ATRNL1: variants seen among roughly 807,000 people sequenced by gnomAD.
ATRNL1 encodes attractin like 1, also known as attractin-like protein 1.
ATRNL1 carries 95 observed loss-of-function variants against 182.7 expected under a neutral mutation model. The observed-to-expected ratio is 0.52, with a 90% CI of 0.44 to 0.62. The LOEUF (loss-of-function observed/expected upper bound fraction) is 0.62, where lower values mean the gene tolerates loss of function less well. Among genes scored for constraint, ATRNL1 ranks in the 20% least tolerant of loss-of-function variants. The probability of loss-of-function intolerance (pLI) is 0.00; values close to 1 mark genes in which losing one functional copy is unlikely to be tolerated. For synonymous variants in ATRNL1, 576 were observed against 568.3 expected, an observed-to-expected ratio of 1.01 and a Z score of -0.19; for missense variants, 1,471 against 1,679.5, an observed-to-expected ratio of 0.88 and a Z score of 2.17.
intron 14 of ATRNL1, among the ~76,000 whole-genome samples, chr10:115,285,939 A>G (rs544369752): frequency 2.0e-5 from 3 of 152,168 alleles, no homozygotes; most frequent in South Asian, 2.1e-4. Flanking sequence ...CCATATGCCA[A>G]TATACCAGAT....
At chr10:115,521,138 T>TTTG (rs68061119) in intron 25 of ATRNL1, among the ~76,000 whole-genome samples, 11,277 of 148,922 alleles carry the variant, frequency 0.076, 723 homozygotes, top group African/African-American at 0.17. Context: ...TAAAACAACT[T>TTTG]TTGTTGTTGT....
In ATRNL1 at chr10:115,928,211, T is replaced by C. The variant is rs116224751; in HGVS notation, c.4019-16447T>C. ...GTGAGAAAGAGTAAAGAAAACTGAG[T>C]TTGGTTTCTTTATGATTAATGCATT... is the stretch of plus-strand genomic sequence containing the variant. On this transcript the variant is annotated intron_variant, in intron 28 of 28. Coordinates refer to ENST00000355044, the MANE Select transcript of ATRNL1 (RefSeq NM_207303.4). 7.5e-3 allele frequency among the ~76,000 whole-genome samples: 1,148 copies of C among 152,060 alleles called. 13 individuals carry two copies. Among genetic ancestry groups the C allele is most frequent in the African/African-American group, 0.026 (1,089 of 41,528 alleles).
chr10:115,895,315 C>G (rs577614145), intron 28 of ATRNL1, among the ~76,000 whole-genome samples: 1 of 152,272 alleles, frequency 6.6e-6, no homozygotes, highest in South Asian at 2.1e-4. Context: ...AGCTGAATAA[C>G]CTGGAGGTAT....
At chr10:115,098,622 C>T (rs1312977289) in intron 1 of ATRNL1, among the ~76,000 whole-genome samples, 10 of 151,732 alleles carry the variant, frequency 6.6e-5, no homozygotes, top group Admixed American at 6.6e-5. Context: ...CCACTACGCC[C>T]GGCTAATTTT....
chr10:115,871,391 T>C (rs1951576178), intron 28 of ATRNL1, among the ~76,000 whole-genome samples: 1 of 150,204 alleles, frequency 6.7e-6, no homozygotes, highest in Non-Finnish European at 1.5e-5. Flanking sequence ...TCTGGATAAA[T>C]CTCACTGATA....
At chr10:115,171,314 ATTTC>A (rs1847283000) in intron 8 of ATRNL1, 22 bp downstream of exon 8, 3 of 1,517,528 alleles carry the variant, frequency 2.0e-6, no homozygotes, top group Non-Finnish European at 1.8e-6. Context: ...AAAAATTGTA[ATTTC>A]TTTATTGATT....
chr10:115,631,556 A>T (rs544640596), intron 26 of ATRNL1, among the ~76,000 whole-genome samples: 1 of 152,090 alleles, frequency 6.6e-6, no homozygotes, highest in Admixed American at 6.6e-5. Flanking sequence ...AAGGGAATAG[A>T]TGGGAGAGAC....
intron 8 of ATRNL1, among the ~76,000 whole-genome samples, chr10:115,185,436 G>A (rs1018736836): frequency 2.0e-5 from 3 of 151,834 alleles, no homozygotes; most frequent in Non-Finnish European, 4.4e-5. Context: ...ACCTTCTAGG[G>A]GATCCCATTG....
chr10:115,451,161 A>C (rs1368264268), intron 21 of ATRNL1, among the ~76,000 whole-genome samples: 2 of 152,214 alleles, frequency 1.3e-5, no homozygotes, highest in Non-Finnish European at 2.9e-5. Flanking sequence ...CAAAACTATA[A>C]AAATCCTGGA....
chr10:115,434,284 A>G (rs1351765236), intron 21 of ATRNL1, among the ~76,000 whole-genome samples: 1 of 152,212 alleles, frequency 6.6e-6, no homozygotes, highest in Non-Finnish European at 1.5e-5. Flanking sequence ...ACTTTAAAAT[A>G]ATGATCATAC....
chr10:115,259,242 C>T (rs565998543), intron 10 of ATRNL1, among the ~76,000 whole-genome samples: 5 of 152,244 alleles, frequency 3.3e-5, no homozygotes, highest in African/African-American at 9.6e-5. Context: ...AGTCTAGAGA[C>T]GGTAGGCCTT....
chr10:115,798,213 A>G (rs1029343557), intron 27 of ATRNL1, among the ~76,000 whole-genome samples: 5 of 152,094 alleles, frequency 3.3e-5, no homozygotes, highest in East Asian at 3.9e-4. Context: ...CACCGCGCCC[A>G]GCCTCTCAGA....
At chr10:115,131,008 T>C (rs1845208437) in intron 5 of ATRNL1, among the ~76,000 whole-genome samples, 1 of 152,124 alleles carries the variant, frequency 6.6e-6, no homozygotes, top group Admixed American at 6.6e-5. Flanking sequence ...AGTCTTGTAA[T>C]ATAGATCTGA....
At chr10:115,874,743 G>A (rs527812859) in intron 28 of ATRNL1, among the ~76,000 whole-genome samples, 1 of 152,192 alleles carries the variant, frequency 6.6e-6, no homozygotes, top group Non-Finnish European at 1.5e-5. Context: ...CACAGTCTAA[G>A]TGGAGAGTCA....
intron 24 of ATRNL1, among the ~76,000 whole-genome samples, chr10:115,486,404 A>T (rs1289270956): frequency 6.6e-6 from 1 of 152,154 alleles, no homozygotes. Context: ...CCTCTCCAGC[A>T]TCTGTCGTTT....
intron 21 of ATRNL1, among the ~76,000 whole-genome samples, chr10:115,447,291 A>T (rs1847048309): frequency 6.6e-6 from 1 of 151,780 alleles, no homozygotes; most frequent in Non-Finnish European, 1.5e-5. Context: ...TGGATTTTTT[A>T]AAAAGAAAGT....
intron 27 of ATRNL1, among the ~76,000 whole-genome samples, chr10:115,749,588 A>G (rs1555070120): frequency 6.6e-6 from 1 of 151,906 alleles, no homozygotes; most frequent in Non-Finnish European, 1.5e-5. Context: ...TATCCTCAGA[A>G]TAATGTTTAA....
At chr10:115,394,782 G>T in intron 20 of ATRNL1, 30 bp downstream of exon 20, 2 of 1,495,878 alleles carry the variant, frequency 1.3e-6, no homozygotes, top group East Asian at 2.4e-5. Flanking sequence ...TAGAACTTTC[G>T]TGGATTGAAT....
intron 3 of ATRNL1, among the ~76,000 whole-genome samples, chr10:115,126,235 T>G (rs1445774046): frequency 6.6e-6 from 1 of 152,138 alleles, no homozygotes; most frequent in Admixed American, 6.5e-5. Flanking sequence ...TTTTTTTGTA[T>G]TTTTAGTAGA....
Sources: gnomAD v4.1 joint callset for allele counts (sites outside exome capture counted in the v4.1 genomes callset) on GRCh38, gnomAD v4.1.1 for gene constraint, MANE v1.5 for transcripts, NCBI Gene and HGNC (gene_info 2026-07-23, HGNC 2026-07-21) for gene names.